HNRNPA2B1: variants seen among roughly 807,000 people sequenced by gnomAD.
HNRNPA2B1 encodes the protein heterogeneous nuclear ribonucleoprotein A2/B1, also known as heterogeneous nuclear ribonucleoproteins A2/B1.
Under a neutral mutation model 46.3 loss-of-function variants are expected in HNRNPA2B1, and 3 were observed. The ratio of observed to expected loss-of-function variants is 0.06; its 90% CI spans 0.03 to 0.17. The LOEUF (loss-of-function observed/expected upper bound fraction) is 0.17. HNRNPA2B1 is among the 10% of genes least tolerant of loss of function. The pLI, the probability that HNRNPA2B1 is intolerant of heterozygous loss-of-function variation, is 1.00. For missense variants in HNRNPA2B1, 221 were observed against 418.9 expected (o/e 0.53, Z 4.12); for synonymous variants, 225 against 133.8 (o/e 1.68, Z -4.70).
At chr7:26,200,424 AC>A (rs1784295507) in intron 1 of HNRNPA2B1, 147 bp downstream of exon 1, 1 of 810,864 alleles carries the variant, frequency 1.2e-6, no homozygotes. Flanking sequence ...TCCGCTCAAG[AC>A]CCCGTTCATA....
chr7:26,198,399 A>C (rs1054329123), intron 1 of HNRNPA2B1: 1 of 152,398 alleles, frequency 6.6e-6, no homozygotes, highest in Non-Finnish European at 1.5e-5. Context: ...AGGACAAATT[A>C]ATTTTTATGA....
chr7:26,194,696 GAAAAAA>G (rs1012193747), intron 7 of HNRNPA2B1, among the ~76,000 whole-genome samples: 2 of 146,774 alleles, frequency 1.4e-5, no homozygotes, highest in East Asian at 4.0e-4. Context: ...CCATTTCAAA[GAAAAAA>G]AACAGACCCA....
At chr7:26,195,316 AGTGT>A (rs1347613363) in intron 7 of HNRNPA2B1, among the ~76,000 whole-genome samples, 1 of 152,174 alleles carries the variant, frequency 6.6e-6, no homozygotes, top group East Asian at 1.9e-4. Context: ...AAAATCTGTC[AGTGT>A]GTATCAGCCT....
intron 7 of HNRNPA2B1, among the ~76,000 whole-genome samples, chr7:26,195,092 C>CAAAAA (rs11356411): frequency 2.9e-4 from 15 of 51,938 alleles, no homozygotes; most frequent in African/African-American, 6.5e-4. Flanking sequence ...GGCTCCGTCT[C>CAAAAA]AAAAAAAAAA....
At chr7:26,193,868 G>A (rs946062120) in intron 7 of HNRNPA2B1, among the ~76,000 whole-genome samples, 174 bp from the exon 8 acceptor site, 10 of 152,170 alleles carry the variant, frequency 6.6e-5, no homozygotes, top group Non-Finnish European at 1.2e-4. Context: ...GGTGGCTGGG[G>A]TTACTCAGCC....
At chr7:26,192,426 A>G (rs1327104602) in intron 10 of HNRNPA2B1, 69 bp downstream of exon 10, 12 of 1,020,690 alleles carry the variant, frequency 1.2e-5, no homozygotes, top group Non-Finnish European at 1.8e-5. Context: ...ACATGATCCT[A>G]AAAAGCTTTT....
chr7:26,193,737 A>G (rs1181037837), intron 7 of HNRNPA2B1, 43 bp from the exon 8 acceptor site: 5 of 1,548,054 alleles, frequency 3.2e-6, no homozygotes, highest in Admixed American at 1.8e-5. Flanking sequence ...AATATTTTCA[A>G]TACCATTTTG....
intron 9 of HNRNPA2B1, 122 bp downstream of exon 9, chr7:26,193,129 A>G (rs1364362159): frequency 2.7e-5 from 25 of 938,858 alleles, no homozygotes; most frequent in Non-Finnish European, 3.3e-5. Flanking sequence ...TATTTTCACT[A>G]AGACCGTACA....
chr7:26,195,726 C>G, intron 7 of HNRNPA2B1, 121 bp downstream of exon 7: 1 of 1,125,264 alleles, frequency 8.9e-7, no homozygotes, highest in Non-Finnish European at 1.2e-6. Flanking sequence ...ACCACTATCA[C>G]CCAAGCCATT....
chr7:26,197,915 T>C (rs753207078), intron 1 of HNRNPA2B1, 183 bp from the exon 2 acceptor site: 4 of 1,423,368 alleles, frequency 2.8e-6, no homozygotes, highest in Non-Finnish European at 3.8e-6. Context: ...TATGTTAAAC[T>C]GCATATTAGT....
In HNRNPA2B1 at chr7:26,191,722, A is replaced by G. The variant is rs980786325; in HGVS notation, c.*638T>C. 12 of 152,348 alleles carry G rather than the reference A, an allele frequency of 7.9e-5. No individual in the cohort carries two copies. Among genetic ancestry groups the G allele is most frequent in the Non-Finnish European group, 1.5e-4 (10 of 68,026 alleles). 9.4% of individuals were successfully genotyped at this position (152,348 alleles called of 1,614,324 possible). ...ATAATTTAATCCTGATGAATTGCAG[A>G]CAACACACTTACATCTGACCAGCAT... On this transcript the variant is annotated 3_prime_UTR_variant, in exon 11 of 11. Transcript: ENST00000618183.
chr7:26,197,052 G>C (rs373058246), intron 3 of HNRNPA2B1, 35 bp from the exon 4 acceptor site: 7 of 1,516,560 alleles, frequency 4.6e-6, no homozygotes, highest in Non-Finnish European at 9.1e-7. Context: ...CATCCAAACA[G>C]AAAAAAACAC....
chr7:26,200,359 A>C (rs1443993134), intron 1 of HNRNPA2B1: 1 of 621,440 alleles, frequency 1.6e-6, no homozygotes, highest in African/African-American at 1.8e-5. Context: ...ACCCCCAGTG[A>C]AGGGAAATGG....
chr7:26,197,102 G>C (rs768006021), intron 3 of HNRNPA2B1, 85 bp from the exon 4 acceptor site: 4 of 1,168,042 alleles, frequency 3.4e-6, no homozygotes, highest in Non-Finnish European at 4.9e-6. Flanking sequence ...ACCATACTTC[G>C]CTTGTATCCA....
chr7:26,197,195 C>T, intron 3 of HNRNPA2B1, 120 bp downstream of exon 3: 1 of 1,289,944 alleles, frequency 7.8e-7, no homozygotes, highest in Non-Finnish European at 1.1e-6. Context: ...GTCCAGAAAC[C>T]CAACACACCT....
chr7:26,200,386 G>C (rs758292597), intron 1 of HNRNPA2B1, 186 bp downstream of exon 1: 1 of 683,568 alleles, frequency 1.5e-6, no homozygotes, highest in South Asian at 1.6e-5. Context: ...GAGGCTGAGG[G>C]TGGGGAAGCT....
chr7:26,200,523 C>G (rs764315652), intron 1 of HNRNPA2B1, 49 bp downstream of exon 1: 2 of 1,603,530 alleles, frequency 1.2e-6, no homozygotes, highest in South Asian at 2.2e-5. Flanking sequence ...GAGGCGCCAA[C>G]GGCCTCGCCA....
chr7:26,199,525 CG>C (rs1462211355), intron 1 of HNRNPA2B1: 2 of 152,168 alleles, frequency 1.3e-5, no homozygotes, highest in African/African-American at 4.8e-5. Context: ...GGATCTGTCC[CG>C]TAAGGGTTAA....
intron 7 of HNRNPA2B1, among the ~76,000 whole-genome samples, chr7:26,195,027 G>C (rs1783373946): frequency 7.0e-6 from 1 of 143,522 alleles, no homozygotes; most frequent in African/African-American, 2.6e-5. Context: ...CGGGAAGGCA[G>C]AGATTGCAGT....
Sources: allele counts gnomAD v4.1 joint callset (sites outside exome capture counted in the v4.1 genomes callset), GRCh38; gene constraint gnomAD v4.1.1; transcripts MANE v1.5; gene names NCBI Gene and HGNC (gene_info 2026-07-23, HGNC 2026-07-21).